Variants in ANAPC16 observed in about 807,000 individuals in gnomAD.
ANAPC16 encodes the protein anaphase-promoting complex subunit 16.
Under a neutral mutation model 13.1 loss-of-function variants are expected in ANAPC16, and 6 were observed. The observed-to-expected ratio is 0.46, with a 90% CI of 0.25 to 0.90. The LOEUF (loss-of-function observed/expected upper bound fraction) is 0.90, where lower values mean the gene tolerates loss of function less well. Among genes scored for constraint, ANAPC16 ranks in the 40% least tolerant of loss-of-function variants. ANAPC16 has a pLI of 0.18. For synonymous variants in ANAPC16, 55 were observed against 51.3 expected, an observed-to-expected ratio of 1.07 and a Z score of -0.31; for missense variants, 113 against 131.1, an observed-to-expected ratio of 0.86 and a Z score of 0.67.
intron 1 of ANAPC16, among the ~76,000 whole-genome samples, chr10:72,217,368 G>A (rs1234794775): frequency 6.6e-6 from 1 of 151,842 alleles, no homozygotes; most frequent in East Asian, 1.9e-4. Context: ...CCAGCTACTC[G>A]GGAGGCTGAG....
At position 72,232,493 on chromosome 10, in the gene ANAPC16, G is replaced by A. The variant is rs989688639; in HGVS notation, c.218-508G>A. Among the ~76,000 whole-genome samples the A allele has an allele frequency of 1.4e-4, 21 of 151,008 alleles. No homozygotes were observed. The East Asian group carries it at 2.6e-3, about 18-fold the overall frequency. On this transcript the variant is annotated intron_variant, in intron 3 of 3. Transcript: ENST00000299381. Reference sequence around the variant, plus strand: ...CACGAGGCAGAGGTTTCAGTGAGCCGAGATCGCGCCATTGCACTGCAGCCT... The same window carrying A: ...CACGAGGCAGAGGTTTCAGTGAGCCAAGATCGCGCCATTGCACTGCAGCCT...
Position 72,233,204 on chromosome 10 carries a change from A to G in ANAPC16, c.*88A>G. The G allele has an allele frequency of 1.0e-6, 1 of 956,534 alleles. No homozygotes were observed. The highest frequency in any genetic ancestry group is 1.4e-5 in the South Asian group (1 of 71,736). 59.3% of individuals were successfully genotyped at this position (956,534 alleles called of 1,614,324 possible). A position where few individuals can be genotyped will look rare whatever the true frequency, so the allele number is the denominator to read the frequency against. ...AGCTTACATAGCCATCCAGAGATCCACAGCTACGTCACTGAATTGTTAATG... is the reference window on the plus strand; with the variant it reads ...AGCTTACATAGCCATCCAGAGATCCGCAGCTACGTCACTGAATTGTTAATG... On this transcript the variant is annotated 3_prime_UTR_variant, in exon 4 of 4. Coordinates refer to ENST00000299381, the MANE Select transcript of ANAPC16 (RefSeq NM_173473.4).
chr10:72,224,767 G>A (rs746578133), intron 2 of ANAPC16, among the ~76,000 whole-genome samples: 1 of 152,076 alleles, frequency 6.6e-6, no homozygotes, highest in African/African-American at 2.4e-5. Flanking sequence ...GATTCACCCT[G>A]TCAGAAAGGT....
At position 72,218,157 on chromosome 10, in the gene ANAPC16, AAAAAAAAAATATATATATATAT is replaced by A. The variant is rs1564788886; in HGVS notation, c.-28+2021_-28+2042del. On this transcript the variant is annotated intron_variant, in intron 1 of 3. Coordinates refer to ENST00000299381, the MANE Select transcript of ANAPC16 (RefSeq NM_173473.4). ...TGAAACTCTGTCTCAAAAAAAAAAA[AAAAAAAAAATATATATATATAT>A]ATATATATATATATATATATATATA... Among the ~76,000 whole-genome samples the A allele has an allele frequency of 2.8e-4, 14 of 50,288 alleles. 1 individual carries two copies. The highest frequency in any genetic ancestry group is 2.7e-3 in the Admixed American group (10 of 3,658). 33.0% of individuals were successfully genotyped at this position (50,288 alleles called of 152,430 possible). A position where few individuals can be genotyped will look rare whatever the true frequency, so the allele number is the denominator to read the frequency against.
intron 1 of ANAPC16, among the ~76,000 whole-genome samples, chr10:72,218,510 TCA>T (rs775803324): frequency 5.9e-4 from 90 of 152,214 alleles, no homozygotes; most frequent in Admixed American, 1.0e-3. Flanking sequence ...TCTCTACACC[TCA>T]GTTTTATTTT....
intron 2 of ANAPC16, 96 bp from the exon 3 acceptor site, chr10:72,230,270 G>A: frequency 1.1e-6 from 1 of 900,508 alleles, no homozygotes; most frequent in Non-Finnish European, 1.8e-6. Context: ...GACCCTGAAT[G>A]TACAAGCAGG....
intron 2 of ANAPC16, among the ~76,000 whole-genome samples, chr10:72,229,448 A>G (rs185346878): frequency 6.6e-6 from 1 of 152,142 alleles, no homozygotes; most frequent in East Asian, 1.9e-4. Flanking sequence ...ACAACAACCC[A>G]TGATTGATGG....
At chr10:72,219,197 A>T (rs1196323351) in intron 1 of ANAPC16, among the ~76,000 whole-genome samples, 1 of 152,224 alleles carries the variant, frequency 6.6e-6, no homozygotes, top group Non-Finnish European at 1.5e-5. Context: ...TCTCCAAAAG[A>T]TGGCTAAGTT....
At chr10:72,232,909 A>G in intron 3 of ANAPC16, 92 bp from the exon 4 acceptor site, 2 of 1,064,504 alleles carry the variant, frequency 1.9e-6, no homozygotes, top group Non-Finnish European at 2.8e-6. Flanking sequence ...CGGCCTAGAA[A>G]TTATTTTTAT....
intron 1 of ANAPC16, among the ~76,000 whole-genome samples, chr10:72,218,175 T>A (rs1459327720): frequency 0.014 from 229 of 16,514 alleles, 24 homozygotes; most frequent in African/African-American, 0.059. Flanking sequence ...AATATATATA[T>A]ATATATATAT....
chr10:72,220,728 AAAAAC>A (rs1297800585), intron 1 of ANAPC16: 3 of 151,538 alleles, frequency 2.0e-5, no homozygotes, highest in Admixed American at 6.6e-5. Flanking sequence ...AAAAAAAAAA[AAAAAC>A]CCGAAAGAAA....
At chr10:72,232,647 A>G (rs1277754349) in intron 3 of ANAPC16, among the ~76,000 whole-genome samples, 1 of 139,042 alleles carries the variant, frequency 7.2e-6, no homozygotes, top group African/African-American at 2.7e-5. Flanking sequence ...CTCTGTCACC[A>G]GGCTGGAATG....
chr10:72,229,256 A>G (rs1860220903), intron 2 of ANAPC16, among the ~76,000 whole-genome samples: 2 of 147,696 alleles, frequency 1.4e-5, no homozygotes, highest in Admixed American at 1.3e-4. Context: ...ATCACTTTGA[A>G]GATGATATTG....
At chr10:72,220,341 A>AAAAAAAAAAAAG (rs1564790850) in intron 1 of ANAPC16, 1 of 150,846 alleles carries the variant, frequency 6.6e-6, no homozygotes, top group African/African-American at 2.4e-5. Flanking sequence ...AAAAAAAAAA[A>AAAAAAAAAAAAG]AAGAAGAGAA....
rs192564304 is a variant in ANAPC16, at chr10:72,216,996, A to G, written c.-28+858A>G. On this transcript the variant is annotated intron_variant, in intron 1 of 3. Transcript: ENST00000299381. ...AATACTCATGACACAGCGCTTCTCTATCTCCTGCATGACCTTTGCTGAGCT... is the reference window on the plus strand; with the variant it reads ...AATACTCATGACACAGCGCTTCTCTGTCTCCTGCATGACCTTTGCTGAGCT... The G allele has an allele frequency of 3.8e-3, 1,715 of 455,182 alleles. 25 individuals carry two copies. Among genetic ancestry groups the G allele is most frequent in the South Asian group, 0.019 (1,247 of 64,520 alleles). The allele number at this position is 455,182 out of a possible 1,614,324, so 28.2% of individuals were successfully genotyped here. A position where few individuals can be genotyped will look rare whatever the true frequency, so the allele number is the denominator to read the frequency against.
In ANAPC16 at chr10:72,233,335, T is replaced by G. The variant is rs1860384228; in HGVS notation, c.*219T>G. 4.0e-6 allele frequency: 2 copies of G among 496,680 alleles called. No homozygotes were observed. Among genetic ancestry groups the G allele is most frequent in the African/African-American group, 3.9e-5 (2 of 51,898 alleles). 30.8% of individuals were successfully genotyped at this position (496,680 alleles called of 1,614,324 possible). On this transcript the variant is annotated 3_prime_UTR_variant, in exon 4 of 4. Transcript: ENST00000299381. ...TATTTGTTTTTAAAAGTATTGGGAA[T>G]CAGATTAAGACAATCAGTTTCAGAG...
chr10:72,216,362 T>G (rs940996871), intron 1 of ANAPC16: 1 of 171,242 alleles, frequency 5.8e-6, no homozygotes, highest in African/African-American at 2.4e-5. Context: ...ATGGCGTAGT[T>G]TCCTGGGGAC....
intron 2 of ANAPC16, among the ~76,000 whole-genome samples, 199 bp from the exon 3 acceptor site, chr10:72,230,167 C>A (rs939605834): frequency 3.3e-5 from 5 of 152,044 alleles, no homozygotes; most frequent in African/African-American, 4.8e-5. Flanking sequence ...AGTAGAGGGA[C>A]TATTTTAATA....
chr10:72,227,045 GTA>G (rs1860143815), intron 2 of ANAPC16, among the ~76,000 whole-genome samples: 1 of 152,132 alleles, frequency 6.6e-6, no homozygotes, highest in Non-Finnish European at 1.5e-5. Flanking sequence ...CAAAGACCTA[GTA>G]TTAAGGAAGT....
Sources: gnomAD v4.1 joint callset for allele counts (sites outside exome capture counted in the v4.1 genomes callset) on GRCh38, gnomAD v4.1.1 for gene constraint, MANE v1.5 for transcripts, NCBI Gene and HGNC (gene_info 2026-07-23, HGNC 2026-07-21) for gene names.